Variants in SARDH observed in about 807,000 individuals in gnomAD.
The protein encoded by SARDH is sarcosine dehydrogenase, mitochondrial.
SARDH carries 95 observed loss-of-function variants against 109.1 expected under a neutral mutation model. The ratio of observed to expected loss-of-function variants is 0.87; its 90% CI spans 0.74 to 1.03. SARDH has a LOEUF of 1.03. Ranked by LOEUF, SARDH falls within the 50% of genes least tolerant of loss-of-function variation. SARDH has a pLI of 0.00. For missense variants in SARDH, 1,267 were observed against 1,287.8 expected (o/e 0.98, Z 0.25); for synonymous variants, 572 against 534.8 (o/e 1.07, Z -0.96).
intron 8 of SARDH, among the ~76,000 whole-genome samples, chr9:133,714,153 G>C (rs767483717): frequency 6.6e-6 from 1 of 152,074 alleles, no homozygotes; most frequent in Non-Finnish European, 1.5e-5. Flanking sequence ...ACGATGATAC[G>C]GGGATGGCTC....
rs374925814 is a variant in SARDH at position 133,712,757 on chromosome 9, C to T, written c.1238-48G>A. ...GCTGCGGTCTGCCCCCCAGGGTCCCCCACCCATGTCCAAACATGTGCCCCC... is the reference window on the plus strand; with the variant it reads ...GCTGCGGTCTGCCCCCCAGGGTCCCTCACCCATGTCCAAACATGTGCCCCC... On this transcript the variant is annotated intron_variant, in intron 9 of 20. Transcript: ENST00000439388. This position sits in a 1 kb window ranked among gnomAD's most constrained non-coding sequence, Gnocchi z 4.1. 1.0e-3 allele frequency: 1,586 copies of T among 1,550,282 alleles called. 30 individuals carry two copies. The South Asian group carries it at 0.017, about 16-fold the overall frequency.
intron 10 of SARDH, among the ~76,000 whole-genome samples, chr9:133,708,771 C>A (rs1234168823): frequency 6.6e-6 from 1 of 152,140 alleles, no homozygotes; most frequent in Non-Finnish European, 1.5e-5. Context: ...TGGGGTGCCC[C>A]TACATGACTG....
chr9:133,703,255 G>C (rs765109142), intron 12 of SARDH: 3 of 557,450 alleles, frequency 5.4e-6, no homozygotes, highest in Admixed American at 6.1e-5. Context: ...GGGTCTGAGA[G>C]CCCAGCCAGG....
intron 13 of SARDH, among the ~76,000 whole-genome samples, chr9:133,702,689 C>T (rs182833575): frequency 7.2e-5 from 11 of 152,354 alleles, no homozygotes; most frequent in Admixed American, 5.9e-4. Context: ...GCACCACTTC[C>T]GCTCAGGCCT....
intron 6 of SARDH, among the ~76,000 whole-genome samples, chr9:133,721,733 G>A (rs948829225): frequency 1.3e-5 from 2 of 152,162 alleles, no homozygotes; most frequent in Non-Finnish European, 1.5e-5. Flanking sequence ...ACACAACTGG[G>A]GAAAAATAGT....
At chr9:133,725,285 C>T (rs1832449459) in intron 6 of SARDH, 1 of 200,964 alleles carries the variant, frequency 5.0e-6, no homozygotes, top group African/African-American at 2.3e-5. Context: ...ACACACATAA[C>T]AGTTACAAAA....
chr9:133,696,279 A>G lies in SARDH; in HGVS notation c.1751T>C (p.Leu584Pro). The G allele has an allele frequency of 4.3e-6, 7 of 1,614,168 alleles. No individual in the cohort carries two copies. Among genetic ancestry groups the G allele is most frequent in the Non-Finnish European group, 5.1e-6 (6 of 1,180,026 alleles). Residue 584 changes from leucine to proline, a missense_variant, in exon 14 of 21, where the codon CTG becomes CCG. Transcript: ENST00000439388. ...SYFGKFYLVG[L>P]DARKAADWLF... The stretch of plus-strand genomic sequence containing the variant: ...CCAGTCGGCAGCCTTCCTTGCATCC[A>G]GCCCCACCAGGTAGAACTTCCCGAA...
chr9:133,664,463 C>T (rs959967195), intron 20 of SARDH, among the ~76,000 whole-genome samples: 1 of 152,226 alleles, frequency 6.6e-6, no homozygotes, highest in Non-Finnish European at 1.5e-5. Context: ...CTCCCCATCC[C>T]ACACCCTGGC....
intron 19 of SARDH, 193 bp from the exon 20 acceptor site, chr9:133,667,063 G>T: frequency 3.0e-6 from 2 of 656,574 alleles, no homozygotes; most frequent in Non-Finnish European, 5.3e-6. Context: ...CAGGGCTCGG[G>T]CTTCGAGTGA....
At position 133,688,683 on chromosome 9, in the gene SARDH, G is replaced by C. The variant is rs758947032; in HGVS notation, c.2069+1697C>G. Among the ~76,000 whole-genome samples, 6 of 152,196 alleles carry C rather than the reference G, an allele frequency of 3.9e-5. No homozygotes were observed. The East Asian group carries it at 1.2e-3, about 29-fold the overall frequency. ...GCCTGCTCCATCCCAGCCTCAATGCGTGCCTCAGACATACGCACTGGCCTG... is the reference window on the plus strand; with the variant it reads ...GCCTGCTCCATCCCAGCCTCAATGCCTGCCTCAGACATACGCACTGGCCTG... On this transcript the variant is annotated intron_variant, in intron 16 of 20. Coordinates refer to ENST00000439388, the MANE Select transcript of SARDH (RefSeq NM_001134707.2).
intron 4 of SARDH, among the ~76,000 whole-genome samples, 187 bp downstream of exon 4, chr9:133,731,118 G>A (rs560561713): frequency 2.6e-5 from 4 of 152,360 alleles, no homozygotes; most frequent in South Asian, 4.1e-4. Context: ...TGATGTCTGT[G>A]AACAGAACGA....
chr9:133,691,693 C>G (rs1041192275), intron 15 of SARDH, among the ~76,000 whole-genome samples: 1 of 152,218 alleles, frequency 6.6e-6, no homozygotes, highest in Non-Finnish European at 1.5e-5. Flanking sequence ...ATCACATTCT[C>G]TCGGCTCCGT....
At chr9:133,696,186 G>A (rs759356652) in intron 14 of SARDH, 37 bp downstream of exon 14, 2 of 1,610,304 alleles carry the variant, frequency 1.2e-6, no homozygotes, top group South Asian at 1.1e-5. Flanking sequence ...TGCCCATGGA[G>A]TGACAGGAAC....
rs570546378 is a variant in SARDH at position 133,733,875 on chromosome 9, C to T, written c.299G>A (p.Arg100Gln). The stretch of plus-strand genomic sequence containing the variant: ...GTGCCAGGTGGTCCCGGAGGTCAGC[C>T]GCTCCCGCTCCAGCAGCACCGCCCC... ...MSGAVLLERERLTSGTTWHTA... is the reference protein window; with the variant it reads ...MSGAVLLEREQLTSGTTWHTA... Residue 100 changes from arginine (R) to glutamine (Q), a missense_variant, in exon 2 of 21, where the codon CGG becomes CAG. By Grantham distance (43) the Arg-to-Gln change is conservative (BLOSUM62 1). Transcript: ENST00000439388. The T allele has an allele frequency of 2.4e-5, 35 of 1,488,430 alleles. No homozygotes were observed. Among genetic ancestry groups the T allele is most frequent in the South Asian group, 8.4e-5 (6 of 71,716 alleles). The allele number at this position is 1,488,430 out of a possible 1,614,324, so 92.2% of individuals were successfully genotyped here.
chr9:133,707,824 G>A (rs992380637), intron 11 of SARDH, among the ~76,000 whole-genome samples: 7 of 152,162 alleles, frequency 4.6e-5, no homozygotes, highest in Non-Finnish European at 1.5e-5. Flanking sequence ...CCTGACAGTG[G>A]GTTTCACTGA....
chr9:133,701,568 A>G (rs1286681520), intron 13 of SARDH, among the ~76,000 whole-genome samples: 2 of 152,192 alleles, frequency 1.3e-5, no homozygotes, highest in East Asian at 3.8e-4. Context: ...CCACAAAGCC[A>G]AGTTGGCATC....
intron 17 of SARDH, among the ~76,000 whole-genome samples, chr9:133,681,845 A>C (rs129951): frequency 6.6e-6 from 1 of 151,588 alleles, no homozygotes; most frequent in Non-Finnish European, 1.5e-5. Flanking sequence ...CCCGCCGCCT[A>C]TTTCCTGTGT....
At chr9:133,707,854 C>A (rs1405038746) in intron 11 of SARDH, among the ~76,000 whole-genome samples, 1 of 152,136 alleles carries the variant, frequency 6.6e-6, no homozygotes, top group African/African-American at 2.4e-5. Context: ...TCGAAGCTCA[C>A]CAGGGCAGAA....
intron 12 of SARDH, 32 bp from the exon 13 acceptor site, chr9:133,703,061 C>T (rs752723149): frequency 6.3e-7 from 1 of 1,577,320 alleles, no homozygotes; most frequent in Non-Finnish European, 8.6e-7. Flanking sequence ...CTCAGCCTGC[C>T]TCTTTGGCCC....
Sources: allele counts gnomAD v4.1 joint callset (sites outside exome capture counted in the v4.1 genomes callset), GRCh38; gene constraint gnomAD v4.1.1; non-coding constraint Gnocchi (gnomAD v3.1); transcripts MANE v1.5; gene names NCBI Gene and HGNC (gene_info 2026-07-23, HGNC 2026-07-21).